Variants in CYTH2 observed in about 807,000 individuals in gnomAD.
The protein encoded by CYTH2 is cytohesin-2.
CYTH2 carries 24 observed loss-of-function variants against 55.4 expected under a neutral mutation model. That is an observed-to-expected ratio of 0.43 (90% CI 0.31 to 0.61). The LOEUF (loss-of-function observed/expected upper bound fraction) is 0.61, where lower values mean the gene tolerates loss of function less well. CYTH2 is among the 20% of genes least tolerant of loss of function. CYTH2 has a pLI of 0.08. For synonymous variants in CYTH2, 221 were observed against 209.6 expected (o/e 1.05, Z -0.47); for missense variants, 378 against 533.5 (o/e 0.71, Z 2.87).
intron 3 of CYTH2, 122 bp downstream of exon 3, chr19:48,470,791 A>G: frequency 9.5e-7 from 1 of 1,048,252 alleles, no homozygotes; most frequent in Non-Finnish European, 1.4e-6. Flanking sequence ...CTTGGTCCTA[A>G]TCCCTGGATT....
rs1231790937 is a variant in CYTH2, at chr19:48,473,939, G to T, written c.469G>T (p.Ala157Ser). The T allele has an allele frequency of 1.2e-6, 2 of 1,613,510 alleles. No individual in the cohort carries two copies. The highest frequency in any genetic ancestry group is 2.7e-5 in the African/African-American group (2 of 74,888). The change falls in exon 6 of 12, where the codon GCC (alanine) becomes TCC (serine). Residue 157 changes from alanine (A) to serine (S), a missense_variant. Physicochemically the swap from Ala to Ser is moderately conservative, Grantham distance 99. Coordinates refer to ENST00000452733, the MANE Select transcript of CYTH2 (RefSeq NM_004228.7). ...FLWSFRLPGE[A>S]QKIDRMMEAF... ...ATGGAGCTTTCGCCTACCCGGAGAG[G>T]CCCAGAAAATTGACCGGATGATGGA...
At chr19:48,476,097 G>A (rs1360349790) in intron 8 of CYTH2, 5 of 495,022 alleles carry the variant, frequency 1.0e-5, no homozygotes, top group African/African-American at 9.8e-5. Flanking sequence ...TCTTAAACCA[G>A]GGCATCACCA....
chr19:48,479,044 C>T (rs1269938634), intron 11 of CYTH2, 79 bp from the exon 12 acceptor site: 1 of 1,431,314 alleles, frequency 7.0e-7, no homozygotes, highest in East Asian at 2.4e-5. Context: ...GGGTCTGAGA[C>T]TCCTCCTGGG....
chr19:48,472,284 T>C (rs1971813606), intron 3 of CYTH2, 41 bp from the exon 4 acceptor site: 1 of 1,596,206 alleles, frequency 6.3e-7, no homozygotes, highest in African/African-American at 1.3e-5. Flanking sequence ...GTGGGGTGGC[T>C]TTCTGGCCCT....
chr19:48,480,845 C>G lies in CYTH2; in HGVS notation c.*1635C>G, dbSNP rs1474271888. The stretch of plus-strand genomic sequence containing the variant: ...CCGCCACTATGTCACCCTTTCCTGC[C>G]GCCTCCCCGGATGAACTGCATGCAG... On this transcript the variant is annotated 3_prime_UTR_variant, in exon 12 of 12. Transcript: ENST00000452733. 6.6e-6 allele frequency: 1 copy of G among 152,376 alleles called. No homozygotes were observed. Among genetic ancestry groups the G allele is most frequent in the East Asian group, 1.9e-4 (1 of 5,170 alleles). 9.4% of individuals were successfully genotyped at this position (152,376 alleles called of 1,614,324 possible). A position where few individuals can be genotyped will look rare whatever the true frequency, so the allele number is the denominator to read the frequency against.
Position 48,472,449 on chromosome 19 carries a change from G to A in CYTH2, c.353+6G>A, listed in dbSNP as rs2147505009. Reference sequence around the variant, plus strand: ...GGGGACTACCTGGGGGAGAGGTACGGTCACCACTCAGCTCCTGTGGGGCCC... The same window carrying A: ...GGGGACTACCTGGGGGAGAGGTACGATCACCACTCAGCTCCTGTGGGGCCC... On this transcript the variant is annotated splice_donor_region_variant and intron_variant, in intron 4 of 11. Coordinates refer to ENST00000452733, the MANE Select transcript of CYTH2 (RefSeq NM_004228.7). 6.2e-7 allele frequency: 1 copy of A among 1,611,934 alleles called. No individual in the cohort carries two copies. Among genetic ancestry groups the A allele is most frequent in the Middle Eastern group, 1.9e-4 (1 of 5,186 alleles).
chr19:48,478,264 T>C lies in CYTH2; in HGVS notation c.886-11T>C. ...TTGGAAGTCTGAGTTCTGTCCACCT[T>C]GCTTCTTCAGGACAAGGAGCCCCGA... On this transcript the variant is annotated splice_polypyrimidine_tract_variant and intron_variant, in intron 9 of 11. Transcript: ENST00000452733. 6.2e-7 allele frequency: 1 copy of C among 1,612,892 alleles called. No individual in the cohort carries two copies. The highest frequency in any genetic ancestry group is 1.3e-5 in the African/African-American group (1 of 74,680).
chr19:48,474,715 C>A lies in CYTH2; in HGVS notation c.697-123C>A. The A allele has an allele frequency of 2.5e-6, 2 of 795,304 alleles. No individual in the cohort carries two copies. Among genetic ancestry groups the A allele is most frequent in the Non-Finnish European group, 4.2e-6 (2 of 479,746 alleles). The allele number at this position is 795,304 out of a possible 1,614,324, so 49.3% of individuals were successfully genotyped here. Reference sequence around the variant, plus strand: ...CTCTGCCTTTCACTTCCCTCTCCTCCCCACTACCCCTCTCTCTTCCCCACT... The same window carrying A: ...CTCTGCCTTTCACTTCCCTCTCCTCACCACTACCCCTCTCTCTTCCCCACT... On this transcript the variant is annotated intron_variant, in intron 7 of 11. Transcript: ENST00000452733. The surrounding 1 kb of genome is among the most constrained non-coding windows in gnomAD (Gnocchi z 4.9).
In CYTH2 at chr19:48,473,331, T is replaced by G; in HGVS notation, c.387T>G (p.Phe129Leu). ...TGAACCTGGCAGTGCTCCATGCTTT[T>G]GTGGATCTGCATGAGTTCACCGACC... Reference protein sequence around the residue: ...EELNLAVLHAFVDLHEFTDLN... With the variant: ...EELNLAVLHALVDLHEFTDLN... The change falls in exon 5 of 12, where the codon TTT becomes TTG. Residue 129 changes from phenylalanine to leucine, a missense_variant. Transcript: ENST00000452733. 2 of 1,614,148 alleles carry G rather than the reference T, an allele frequency of 1.2e-6. No individual in the cohort carries two copies. Among genetic ancestry groups the G allele is most frequent in the South Asian group, 1.1e-5 (1 of 91,082 alleles).
Position 48,481,364 on chromosome 19 carries a change from A to G in CYTH2, c.*2154A>G, listed in dbSNP as rs2147518504. 1 of 153,386 alleles carries G rather than the reference A, an allele frequency of 6.5e-6. No individual in the cohort carries two copies. Among genetic ancestry groups the G allele is most frequent in the Middle Eastern group, 3.3e-3 (1 of 300 alleles). 9.5% of individuals were successfully genotyped at this position (153,386 alleles called of 1,614,324 possible). ...CTGTGGAACATTCCAGCCAGGCTGC[A>G]TCACGTCACACTGACCTTCAGCATT... On this transcript the variant is annotated 3_prime_UTR_variant, in exon 12 of 12. Transcript: ENST00000452733.
rs1028174205 is a variant in CYTH2 at position 48,470,222 on chromosome 19, C to T, written c.20-131C>T. On this transcript the variant is annotated intron_variant, in intron 1 of 11. Transcript: ENST00000452733. The stretch of plus-strand genomic sequence containing the variant: ...CTCTGCAGGGAGGAATCCAGGCCCC[C>T]AGCCCATTCTTCTGTGCAGACATAG... 301 of 1,338,478 alleles carry T rather than the reference C, an allele frequency of 2.2e-4. 2 individuals carry two copies. Among genetic ancestry groups the T allele is most frequent in the South Asian group, 2.8e-4 (20 of 72,038 alleles). The allele number at this position is 1,338,478 out of a possible 1,614,324, so 82.9% of individuals were successfully genotyped here. A position where few individuals can be genotyped will look rare whatever the true frequency, so the allele number is the denominator to read the frequency against.
At chr19:48,470,120 C>T (rs1463973582) in intron 1 of CYTH2, 3 of 719,232 alleles carry the variant, frequency 4.2e-6, no homozygotes, top group African/African-American at 1.8e-5. Flanking sequence ...TTCCCCTTCT[C>T]CCTCAGACTC....
chr19:48,476,818 G>T (rs892723886), intron 8 of CYTH2: 1 of 151,916 alleles, frequency 6.6e-6, no homozygotes, highest in African/African-American at 2.4e-5. Context: ...GGAGCTTGCA[G>T]TGAGCCGAGA....
At position 48,469,519 on chromosome 19, in the gene CYTH2, C is replaced by T. The variant is rs1470647462; in HGVS notation, c.12C>T (p.Gly4=). ...CCTTCCTAGCCGCCATGGAGGACGG[C>T]GTCTATGGTAGGTCGGGGAGGGGCG... MED[G]VYEPPDLTPE... is the part of the protein sequence containing the mutation. The change falls in exon 1 of 12, where the codon GGC becomes GGT. Residue 4 remains glycine (G), a synonymous_variant. Coordinates refer to ENST00000452733, the MANE Select transcript of CYTH2 (RefSeq NM_004228.7). 6 of 1,323,870 alleles carry T rather than the reference C, an allele frequency of 4.5e-6. No individual in the cohort carries two copies. The highest frequency in any genetic ancestry group is 5.8e-6 in the Non-Finnish European group (6 of 1,028,598). The allele number at this position is 1,323,870 out of a possible 1,614,324, so 82.0% of individuals were successfully genotyped here. A position where few individuals can be genotyped will look rare whatever the true frequency, so the allele number is the denominator to read the frequency against.
rs76341415 is a variant in CYTH2 at position 48,474,458 on chromosome 19, C to A, written c.696+128C>A. On this transcript the variant is annotated intron_variant, in intron 7 of 11. Transcript: ENST00000452733. This position sits in a 1 kb window ranked among gnomAD's most constrained non-coding sequence, Gnocchi z 4.9. ...CCAAGATGGTGCGATCATGCCAACT[C>A]GTGTGTGATCTTTTTCTCTCTCTCT... 2.3e-4 allele frequency: 223 copies of A among 985,024 alleles called. 2 individuals are homozygous for A. Among genetic ancestry groups the A allele is most frequent in the South Asian group, 1.9e-3 (108 of 57,184 alleles). The allele number at this position is 985,024 out of a possible 1,614,324, so 61.0% of individuals were successfully genotyped here.
rs777718962 is a variant in CYTH2 at position 48,478,364 on chromosome 19, C to A, written c.957+18C>A. 1.9e-6 allele frequency: 3 copies of A among 1,613,924 alleles called. No homozygotes were observed. Among genetic ancestry groups the A allele is most frequent in the Admixed American group, 1.7e-5 (1 of 60,006 alleles). On this transcript the variant is annotated intron_variant, in intron 10 of 11. Transcript: ENST00000452733. ...GGAAACCGGTAAGACCCTCTCTGTA[C>A]ACCTTCCTGCCAGGGCGGGGCCTCC... is the stretch of plus-strand genomic sequence containing the variant.
intron 1 of CYTH2, 129 bp downstream of exon 1, chr19:48,469,655 CG>C: frequency 7.5e-7 from 1 of 1,335,566 alleles, no homozygotes; most frequent in East Asian, 2.8e-5. Flanking sequence ...CTTGTCGCGC[CG>C]CTTTTGTTGG....
rs113137055 is a variant in CYTH2 at position 48,470,817 on chromosome 19, C to T, written c.234+148C>T. ...TCCCTGGATTCAGATACTGGCTGTC[C>T]ATTTGTTTTCTGAACACTGAACACT... On this transcript the variant is annotated intron_variant, in intron 3 of 11. Coordinates refer to ENST00000452733, the MANE Select transcript of CYTH2 (RefSeq NM_004228.7). The T allele has an allele frequency of 2.2e-4, 181 of 832,208 alleles. 3 individuals carry two copies. Among genetic ancestry groups the T allele is most frequent in the African/African-American group, 1.1e-3 (62 of 58,420 alleles). The allele number at this position is 832,208 out of a possible 1,614,324, so 51.6% of individuals were successfully genotyped here.
At chr19:48,473,175 TC>T in intron 4 of CYTH2, 122 bp from the exon 5 acceptor site, 1 of 1,047,542 alleles carries the variant, frequency 9.5e-7, no homozygotes, top group Admixed American at 2.0e-5. Context: ...GCAGGAAACT[TC>T]ACCCTCGGCA....
Sources: gnomAD v4.1 joint callset for allele counts on GRCh38, gnomAD v4.1.1 for gene constraint, Gnocchi (gnomAD v3.1) non-coding constraint, MANE v1.5 for transcripts, NCBI Gene and HGNC (gene_info 2026-07-23, HGNC 2026-07-21) for gene names.